SMYD3: variants seen among roughly 807,000 people sequenced by gnomAD.
The protein encoded by SMYD3 is SET and MYND domain containing 3, also known as histone-lysine N-methyltransferase SMYD3.
SMYD3 carries 36 observed loss-of-function variants against 57.7 expected under a neutral mutation model. The ratio of observed to expected loss-of-function variants is 0.62; its 90% confidence interval spans 0.48 to 0.82. The LOEUF (loss-of-function observed/expected upper bound fraction) is 0.82. Among genes scored for constraint, SMYD3 ranks in the 40% least tolerant of loss-of-function variants. The probability of loss-of-function intolerance (pLI) is 0.00; values close to 1 mark genes in which losing one functional copy is unlikely to be tolerated. For synonymous variants in SMYD3, 211 were observed against 195.0 expected (o/e 1.08, Z -0.68); for missense variants, 515 against 538.8 (o/e 0.96, Z 0.44).
chr1:246,226,949 T>C (rs1008145462), intron 5 of SMYD3, among the ~76,000 whole-genome samples: 1 of 152,222 alleles, frequency 6.6e-6, no homozygotes, highest in Non-Finnish European at 1.5e-5. Flanking sequence ...CTCTTGAATT[T>C]ATTTAGCATT....
intron 2 of SMYD3, among the ~76,000 whole-genome samples, chr1:246,337,393 A>C (rs1468890704): frequency 6.6e-6 from 1 of 152,178 alleles, no homozygotes; most frequent in Non-Finnish European, 1.5e-5. Flanking sequence ...AGATATATCT[A>C]TATATTTTTT....
chr1:246,329,977 A>C (rs545988675), intron 4 of SMYD3, among the ~76,000 whole-genome samples: 1 of 152,320 alleles, frequency 6.6e-6, no homozygotes, highest in African/African-American at 2.4e-5. Context: ...AAGCTTTTTA[A>C]GTCATCACAA....
At position 246,355,973 on chromosome 1, in the gene SMYD3, T is replaced by G. The variant is rs558870124; in HGVS notation, c.165-879A>C. ...CCTTAGGGCAAGTTTGCTTCCTCCC[T>G]GTAGGACCACAGCTGATGTGTTCCT... is the stretch of plus-strand genomic sequence containing the variant. On this transcript the variant is annotated intron_variant, in intron 1 of 11. Transcript: ENST00000490107. The surrounding 1 kb of genome is among the most constrained non-coding windows in gnomAD (Gnocchi z 5.0). 2.6e-5 allele frequency among the ~76,000 whole-genome samples: 4 copies of G among 152,306 alleles called. No homozygotes were observed. The South Asian group carries it at 8.3e-4, about 32-fold the overall frequency.
At chr1:246,128,672 A>G (rs775679418) in intron 5 of SMYD3, among the ~76,000 whole-genome samples, 16 of 152,324 alleles carry the variant, frequency 1.1e-4, no homozygotes, top group Non-Finnish European at 1.8e-4. Context: ...GTCTGACTTC[A>G]AAGTTCCATA....
chr1:245,914,486 AG>A (rs1490848355), intron 8 of SMYD3, among the ~76,000 whole-genome samples: 1 of 152,260 alleles, frequency 6.6e-6, no homozygotes, highest in Non-Finnish European at 1.5e-5. Flanking sequence ...ATGGGCCTAG[AG>A]GACACTATGT....
intron 2 of SMYD3, among the ~76,000 whole-genome samples, chr1:246,342,969 T>C (rs2148683573): frequency 6.6e-6 from 1 of 152,318 alleles, no homozygotes; most frequent in Admixed American, 6.5e-5. Context: ...AAAATTCAAA[T>C]TCATGTACGT....
At chr1:245,844,430 T>C (rs1401194495) in intron 10 of SMYD3, among the ~76,000 whole-genome samples, 1 of 152,230 alleles carries the variant, frequency 6.6e-6, no homozygotes, top group Non-Finnish European at 1.5e-5. Context: ...TTTTATGTTG[T>C]ATGAACGAAG....
intron 5 of SMYD3, among the ~76,000 whole-genome samples, chr1:246,119,579 A>G (rs1418949543): frequency 6.6e-6 from 1 of 151,850 alleles, no homozygotes; most frequent in Middle Eastern, 3.2e-3. Flanking sequence ...TGCCTGGCTA[A>G]TTTTTATATT....
chr1:246,057,865 G>T (rs771404510), intron 5 of SMYD3, among the ~76,000 whole-genome samples: 30 of 152,304 alleles, frequency 2.0e-4, no homozygotes, highest in Middle Eastern at 3.4e-3. Context: ...GCCTTCAGAA[G>T]GTGAATGGAT....
At chr1:246,057,587 G>C (rs937996926) in intron 5 of SMYD3, among the ~76,000 whole-genome samples, 1 of 152,182 alleles carries the variant, frequency 6.6e-6, no homozygotes, top group Non-Finnish European at 1.5e-5. Flanking sequence ...GCCAAATCCG[G>C]AACACTGATA....
intron 5 of SMYD3, among the ~76,000 whole-genome samples, chr1:246,022,468 C>T (rs912472524): frequency 2.6e-5 from 4 of 152,148 alleles, no homozygotes; most frequent in African/African-American, 9.7e-5. Flanking sequence ...ACTAACAGTG[C>T]GACCTGAGGC....
At chr1:246,312,788 A>G (rs962898934) in intron 5 of SMYD3, among the ~76,000 whole-genome samples, 2 of 152,190 alleles carry the variant, frequency 1.3e-5, no homozygotes, top group Non-Finnish European at 2.9e-5. Flanking sequence ...ATAACTTTTA[A>G]AACAAACTGG....
chr1:246,393,356 G>A (rs1238092129), intron 1 of SMYD3, among the ~76,000 whole-genome samples: 2 of 152,012 alleles, frequency 1.3e-5, no homozygotes, highest in Non-Finnish European at 1.5e-5. Flanking sequence ...GCCTGATCCC[G>A]TGTTCAGGAT....
At chr1:245,948,495 C>A (rs1239843410) in intron 5 of SMYD3, among the ~76,000 whole-genome samples, 1 of 152,162 alleles carries the variant, frequency 6.6e-6, no homozygotes, top group East Asian at 1.9e-4. Flanking sequence ...GGTCCTTAGA[C>A]TAACAGAGTG....
At chr1:245,817,568 A>G (rs1305051766) in intron 10 of SMYD3, among the ~76,000 whole-genome samples, 1 of 152,106 alleles carries the variant, frequency 6.6e-6, no homozygotes, top group Non-Finnish European at 1.5e-5. Context: ...ATGACCTGAG[A>G]GAAGAAGGCT....
intron 5 of SMYD3, among the ~76,000 whole-genome samples, chr1:246,200,372 C>G (rs2062898862): frequency 7.4e-6 from 1 of 134,520 alleles, no homozygotes; most frequent in African/African-American, 2.9e-5. Context: ...CACTGTGATA[C>G]AGAGGATGGA....
At chr1:246,365,906 G>A (rs565521560) in intron 1 of SMYD3, among the ~76,000 whole-genome samples, 1 of 152,148 alleles carries the variant, frequency 6.6e-6, no homozygotes, top group African/African-American at 2.4e-5. Context: ...ACCTCTTTAA[G>A]ATGAATTCCC....
intron 10 of SMYD3, among the ~76,000 whole-genome samples, chr1:245,765,320 C>T (rs1310871620): frequency 6.6e-6 from 1 of 151,756 alleles, no homozygotes; most frequent in Non-Finnish European, 1.5e-5. Flanking sequence ...TCACTTGAGC[C>T]CTGGAGGCTG....
At chr1:246,019,309 G>C (rs1003443623) in intron 5 of SMYD3, among the ~76,000 whole-genome samples, 2 of 152,150 alleles carry the variant, frequency 1.3e-5, no homozygotes, top group East Asian at 3.9e-4. Context: ...CACGACCAAA[G>C]GTTATCCAGC....
Sources: gnomAD v4.1 joint callset for allele counts (sites outside exome capture counted in the v4.1 genomes callset) on GRCh38, gnomAD v4.1.1 for gene constraint, Gnocchi (gnomAD v3.1) non-coding constraint, MANE v1.5 for transcripts, NCBI Gene and HGNC (gene_info 2026-07-23, HGNC 2026-07-21) for gene names.